CTPS1: variants seen among roughly 807,000 people sequenced by gnomAD.
CTPS1 encodes the protein CTP synthase 1, also known as CTP synthetase 1.
CTPS1 carries 25 observed loss-of-function variants against 80.5 expected under a neutral mutation model. That is an observed-to-expected ratio of 0.31 (90% CI 0.23 to 0.43). The LOEUF is 0.43. Ranked by LOEUF, CTPS1 falls within the 20% of genes least tolerant of loss-of-function variation. The probability of loss-of-function intolerance (pLI) is 1.00; values close to 1 mark genes in which losing one functional copy is unlikely to be tolerated. For missense variants in CTPS1, 442 were observed against 725.7 expected (o/e 0.61, Z 4.49); for synonymous variants, 267 against 252.5 (o/e 1.06, Z -0.54).
chr1:41,009,642 T>C, intron 17 of CTPS1, 53 bp downstream of exon 17: 3 of 1,599,560 alleles, frequency 1.9e-6, no homozygotes, highest in Non-Finnish European at 2.6e-6. Flanking sequence ...GTCCTTTAGG[T>C]GGTCGCTGAT....
chr1:40,993,381 G>T (rs1642666597), intron 7 of CTPS1, among the ~76,000 whole-genome samples: 1 of 151,722 alleles, frequency 6.6e-6, no homozygotes, highest in Non-Finnish European at 1.5e-5. Flanking sequence ...ACAAGGTCTT[G>T]CTGTGTCACC....
At chr1:41,009,614 A>G (rs1393892049) in intron 17 of CTPS1, 25 bp downstream of exon 17, 13 of 1,613,192 alleles carry the variant, frequency 8.1e-6, no homozygotes, top group Middle Eastern at 3.3e-4. Context: ...TGCTTCAGTA[A>G]TCCATTAGTC....
intron 7 of CTPS1, among the ~76,000 whole-genome samples, chr1:40,992,099 C>T (rs763046303): frequency 6.6e-6 from 1 of 152,156 alleles, no homozygotes. Context: ...CCCTAGTACC[C>T]TCCACTCTCC....
intron 18 of CTPS1, among the ~76,000 whole-genome samples, chr1:41,010,527 C>T (rs1161214285): frequency 2.0e-5 from 3 of 152,148 alleles, no homozygotes; most frequent in African/African-American, 4.8e-5. Context: ...GCAGTTGTCT[C>T]AATACTGATT....
Position 40,991,066 on chromosome 1 carries a change from A to T in CTPS1, c.556-99A>T, listed in dbSNP as rs1056137038. On this transcript the variant is annotated intron_variant, in intron 5 of 18. Transcript: ENST00000650070. Reference sequence around the variant, plus strand: ...GCTAAATTACACAAGTGACCAAATGATCTATTTCCTTATTAAAAGAGGTTC... The same window carrying T: ...GCTAAATTACACAAGTGACCAAATGTTCTATTTCCTTATTAAAAGAGGTTC... 11 of 807,548 alleles carry T rather than the reference A, an allele frequency of 1.4e-5. No homozygotes were observed. The East Asian group carries it at 3.0e-4, about 22-fold the overall frequency. 50.0% of individuals were successfully genotyped at this position (807,548 alleles called of 1,614,324 possible). A position where few individuals can be genotyped will look rare whatever the true frequency, so the allele number is the denominator to read the frequency against.
chr1:41,007,678 C>T lies in CTPS1; in HGVS notation c.1393+133C>T. ...TTCTTGCTTTTGAAGTTCATTCTTT[C>T]CTCTCTTATTCATACCCTTTTAGGA... On this transcript the variant is annotated intron_variant, in intron 14 of 18. Coordinates refer to ENST00000650070, the MANE Select transcript of CTPS1 (RefSeq NM_001905.4). The surrounding 1 kb of genome is among the most constrained non-coding windows in gnomAD (Gnocchi z 4.4). 1.5e-6 allele frequency: 1 copy of T among 688,428 alleles called. No homozygotes were observed. The highest frequency in any genetic ancestry group is 2.5e-6 in the Non-Finnish European group (1 of 396,440). The allele number at this position is 688,428 out of a possible 1,614,324, so 42.6% of individuals were successfully genotyped here. A position where few individuals can be genotyped will look rare whatever the true frequency, so the allele number is the denominator to read the frequency against.
chr1:40,985,957 A>T (rs1167489981), intron 3 of CTPS1, among the ~76,000 whole-genome samples: 1 of 152,234 alleles, frequency 6.6e-6, no homozygotes, highest in African/African-American at 2.4e-5. Flanking sequence ...CATAGAAAGG[A>T]ATCAGTTAGG....
At chr1:41,002,357 C>A (rs1428171737) in intron 11 of CTPS1, 103 bp downstream of exon 11, 1 of 920,032 alleles carries the variant, frequency 1.1e-6, no homozygotes, top group Non-Finnish European at 1.8e-6. Context: ...CTGAAACATG[C>A]TGTCTTTGTG....
chr1:40,984,780 TA>T, intron 2 of CTPS1, 40 bp from the exon 3 acceptor site: 1 of 1,413,202 alleles, frequency 7.1e-7, no homozygotes, highest in Non-Finnish European at 9.4e-7. Context: ...ATGGTATAGG[TA>T]TTTTTCACTT....
chr1:40,986,187 A>G (rs1642447770), intron 3 of CTPS1, among the ~76,000 whole-genome samples: 1 of 152,254 alleles, frequency 6.6e-6, no homozygotes, highest in Non-Finnish European at 1.5e-5. Flanking sequence ...GAAGAAACCA[A>G]GTGGAGTGAG....
intron 3 of CTPS1, 134 bp from the exon 4 acceptor site, chr1:40,987,238 A>G (rs536199489): frequency 1.4e-4 from 93 of 661,492 alleles, no homozygotes; most frequent in African/African-American, 1.3e-3. Flanking sequence ...AGGGGGCCTC[A>G]AAAGTATTTT....
At chr1:40,991,003 C>T (rs943671195) in intron 5 of CTPS1, among the ~76,000 whole-genome samples, 162 bp from the exon 6 acceptor site, 2 of 152,100 alleles carry the variant, frequency 1.3e-5, no homozygotes, top group African/African-American at 2.4e-5. Context: ...CCATTTGATT[C>T]TAAAATGCAT....
At chr1:40,995,105 C>T (rs1028676848) in intron 7 of CTPS1, among the ~76,000 whole-genome samples, 2 of 152,180 alleles carry the variant, frequency 1.3e-5, no homozygotes, top group African/African-American at 2.4e-5. Context: ...TTTATAAGCT[C>T]TGAATGATTC....
intron 14 of CTPS1, among the ~76,000 whole-genome samples, chr1:41,008,254 A>G (rs1036618807): frequency 5.3e-5 from 8 of 152,210 alleles, no homozygotes; most frequent in Admixed American, 3.9e-4. Flanking sequence ...TTTGATGACC[A>G]TGATTGGAAC....
rs768084498 is a variant in CTPS1 at position 40,996,004 on chromosome 1, C to T, written c.808C>T (p.Leu270Phe). ...GGTTGTAGATTATTTTCTTCGAAGA[C>T]TTGACCTTCCTATTGAGAGGCAGCC... ...QGVVDYFLRRLDLPIERQPRK... is the reference protein window; with the variant it reads ...QGVVDYFLRRFDLPIERQPRK... Residue 270 changes from leucine to phenylalanine, a missense_variant, in exon 8 of 19, where the codon CTT becomes TTT. Physicochemically the swap from Leu to Phe is conservative, Grantham distance 22 (BLOSUM62 0). This residue lies in a region of CTPS1 where 321 missense variants were observed against 467.2 expected (regional missense o/e 0.69). Coordinates refer to ENST00000650070, the MANE Select transcript of CTPS1 (RefSeq NM_001905.4). 1 of 1,614,186 alleles carries T rather than the reference C, an allele frequency of 6.2e-7. No homozygotes were observed. The highest frequency in any genetic ancestry group is 1.1e-5 in the South Asian group (1 of 91,088).
chr1:40,999,032 C>T (rs1338471779), intron 9 of CTPS1, among the ~76,000 whole-genome samples: 7 of 152,136 alleles, frequency 4.6e-5, no homozygotes, highest in Admixed American at 4.6e-4. Context: ...GATGAAAAGG[C>T]AACGGTCTCC....
intron 17 of CTPS1, 96 bp downstream of exon 17, chr1:41,009,685 G>C: frequency 2.6e-5 from 38 of 1,451,302 alleles, no homozygotes; most frequent in South Asian, 1.2e-5. Context: ...TCAGTCATAA[G>C]AAAAAAAAGC....
At chr1:40,980,559 T>G (rs7512775) in intron 1 of CTPS1, 104,009 of 152,172 alleles carry the variant, frequency 0.68, 35,735 homozygotes, top group Admixed American at 0.72. Context: ...CCCATTCCCC[T>G]AGGTGAGAAC....
chr1:41,009,349 G>A (rs1482035259), intron 16 of CTPS1, 96 bp from the exon 17 acceptor site: 12 of 1,223,358 alleles, frequency 9.8e-6, no homozygotes, highest in Non-Finnish European at 1.1e-6. Flanking sequence ...AATTATTTTA[G>A]GGCCTATGGA....
Sources: gnomAD v4.1 joint callset for allele counts (sites outside exome capture counted in the v4.1 genomes callset) on GRCh38, gnomAD v4.1.1 for gene constraint, gnomAD v4.1.1 regional missense constraint, Gnocchi (gnomAD v3.1) non-coding constraint, MANE v1.5 for transcripts, NCBI Gene and HGNC (gene_info 2026-07-23, HGNC 2026-07-21) for gene names.